Variants in MACROD2 observed in about 807,000 individuals in gnomAD.
MACROD2 encodes ADP-ribose glycohydrolase MACROD2.
MACROD2 carries 36 observed loss-of-function variants against 70.4 expected under a neutral mutation model. That is an observed-to-expected ratio of 0.51 (90% CI 0.39 to 0.68). MACROD2 has a LOEUF of 0.68. Among genes scored for constraint, MACROD2 ranks in the 30% least tolerant of loss-of-function variants. The pLI is 0.00. For synonymous variants in MACROD2, 172 were observed against 178.8 expected, an observed-to-expected ratio of 0.96 and a Z score of 0.30; for missense variants, 496 against 538.4, an observed-to-expected ratio of 0.92 and a Z score of 0.78.
intron 8 of MACROD2, among the ~76,000 whole-genome samples, chr20:15,596,802 G>C (rs1320008997): frequency 1.3e-5 from 2 of 152,166 alleles, no homozygotes; most frequent in African/African-American, 4.8e-5. Flanking sequence ...CCTTGCCCTG[G>C]TCAGACATTC....
intron 3 of MACROD2, among the ~76,000 whole-genome samples, chr20:14,170,723 G>C (rs1357972389): frequency 6.6e-6 from 1 of 152,122 alleles, no homozygotes; most frequent in African/African-American, 2.4e-5. Flanking sequence ...TTATCTTTCT[G>C]ATATGCTGTT....
intron 6 of MACROD2, among the ~76,000 whole-genome samples, chr20:15,357,270 A>C (rs2078298549): frequency 6.6e-6 from 1 of 152,200 alleles, no homozygotes; most frequent in South Asian, 2.1e-4. Context: ...GCTATCCTTA[A>C]AATTCAATTA....
intron 8 of MACROD2, among the ~76,000 whole-genome samples, chr20:15,826,486 A>G (rs141685508): frequency 5.3e-5 from 8 of 152,360 alleles, no homozygotes; most frequent in African/African-American, 1.9e-4. Context: ...CATTTTATGA[A>G]TAAACATTAT....
chr20:15,585,187 C>T (rs1235788649), intron 8 of MACROD2, among the ~76,000 whole-genome samples: 4 of 150,034 alleles, frequency 2.7e-5, no homozygotes, highest in African/African-American at 7.3e-5. Context: ...GTTCTTTTTT[C>T]TTCTTCTTTT....
intron 5 of MACROD2, among the ~76,000 whole-genome samples, chr20:14,694,126 G>GA (rs140184497): frequency 0.014 from 2,080 of 152,156 alleles, 49 homozygotes; most frequent in African/African-American, 0.047. Context: ...AGGGCTATGA[G>GA]AGAAAAAAGA....
At chr20:15,049,177 G>C (rs2075419286) in intron 5 of MACROD2, among the ~76,000 whole-genome samples, 1 of 151,908 alleles carries the variant, frequency 6.6e-6, no homozygotes, top group East Asian at 1.9e-4. Flanking sequence ...TATTTATGAT[G>C]TGGAATGATA....
At chr20:14,859,944 C>T (rs1268303709) in intron 5 of MACROD2, among the ~76,000 whole-genome samples, 1 of 152,128 alleles carries the variant, frequency 6.6e-6, no homozygotes, top group African/African-American at 2.4e-5. Context: ...GATAAGGAGA[C>T]ATGACTTGTC....
Position 15,393,028 on chromosome 20 carries a change from C to T in MACROD2, c.541-38377C>T, listed in dbSNP as rs187750604. Among the ~76,000 whole-genome samples, 157 of 152,010 alleles carry T rather than the reference C, an allele frequency of 1.0e-3. 1 individual carries two copies. Among genetic ancestry groups the T allele is most frequent in the East Asian group, 4.1e-3 (21 of 5,154 alleles). On this transcript the variant is annotated intron_variant, in intron 6 of 17. Transcript: ENST00000684519. ...GGCTGCAACAGTGCCAGGTGAGCAA[C>T]CCATGTCCGCACGCCTCCACTCTCA...
chr20:15,044,096 A>G (rs1332989996), intron 5 of MACROD2, among the ~76,000 whole-genome samples: 1 of 152,116 alleles, frequency 6.6e-6, no homozygotes, highest in Admixed American at 6.6e-5. Context: ...TCTACAGCCT[A>G]TCTCCCCTCC....
chr20:14,720,861 C>A (rs1293907441), intron 5 of MACROD2, among the ~76,000 whole-genome samples: 2 of 151,988 alleles, frequency 1.3e-5, no homozygotes, highest in African/African-American at 2.4e-5. Flanking sequence ...CACAAAACTT[C>A]TTTTAACCAC....
intron 8 of MACROD2, among the ~76,000 whole-genome samples, chr20:15,637,592 T>C (rs926655290): frequency 1.3e-5 from 2 of 152,236 alleles, no homozygotes; most frequent in Non-Finnish European, 2.9e-5. Flanking sequence ...GTAGCTGCTC[T>C]ATTTTTGAGA....
At chr20:15,555,484 A>G (rs1186177655) in intron 8 of MACROD2, among the ~76,000 whole-genome samples, 1 of 152,156 alleles carries the variant, frequency 6.6e-6, no homozygotes, top group Admixed American at 6.5e-5. Context: ...ACATACTGTA[A>G]CTGTTGATCA....
At chr20:15,848,844 G>A (rs2064264647) in intron 8 of MACROD2, among the ~76,000 whole-genome samples, 1 of 152,122 alleles carries the variant, frequency 6.6e-6, no homozygotes, top group Admixed American at 6.6e-5. Flanking sequence ...GGAGAGATAT[G>A]ACAGACCTTT....
Position 15,901,969 on chromosome 20 carries a change from C to T in MACROD2, c.775+16158C>T, listed in dbSNP as rs559774794. Among the ~76,000 whole-genome samples the T allele has an allele frequency of 7.2e-5, 11 of 152,344 alleles. 2 individuals are homozygous for T. The highest frequency in any genetic ancestry group is 2.4e-4 in the African/African-American group (10 of 41,572). ...TCTTACTGCCTGTAGTCTTCTTTCC[C>T]TGATAAGTGTTTCTCAAAATATGGC... On this transcript the variant is annotated intron_variant, in intron 10 of 17. Coordinates refer to ENST00000684519, the MANE Select transcript of MACROD2 (RefSeq NM_001351661.2).
At chr20:15,765,973 A>G (rs2051517954) in intron 8 of MACROD2, among the ~76,000 whole-genome samples, 1 of 152,230 alleles carries the variant, frequency 6.6e-6, no homozygotes, top group Admixed American at 6.5e-5. Context: ...AAAGAGAGAG[A>G]TAAACTAACT....
At chr20:15,004,629 C>CT (rs530462110) in intron 5 of MACROD2, among the ~76,000 whole-genome samples, 87 of 149,872 alleles carry the variant, frequency 5.8e-4, no homozygotes, top group South Asian at 4.4e-3. Flanking sequence ...GCAACGGCCA[C>CT]TTTTTTTTTT....
chr20:15,809,538 C>A (rs1301065747), intron 8 of MACROD2, among the ~76,000 whole-genome samples: 1 of 152,142 alleles, frequency 6.6e-6, no homozygotes, highest in Non-Finnish European at 1.5e-5. Context: ...AAAGGAGAAG[C>A]TAGAGCTAGT....
At chr20:15,053,863 G>T (rs1240752242) in intron 5 of MACROD2, among the ~76,000 whole-genome samples, 3 of 152,210 alleles carry the variant, frequency 2.0e-5, no homozygotes, top group African/African-American at 7.2e-5. Context: ...AAAAACATTT[G>T]TGGTTTATGG....
intron 6 of MACROD2, among the ~76,000 whole-genome samples, chr20:15,240,714 A>G (rs175306): frequency 0.19 from 28,459 of 152,146 alleles, 2,954 homozygotes; most frequent in African/African-American, 0.28. Context: ...ATGTGATGGT[A>G]TATAGAGATG....
Sources: allele counts gnomAD v4.1 joint callset (sites outside exome capture counted in the v4.1 genomes callset), GRCh38; gene constraint gnomAD v4.1.1; transcripts MANE v1.5; gene names NCBI Gene and HGNC (gene_info 2026-07-23, HGNC 2026-07-21).